The following EMCN variants were observed in gnomAD, a reference collection of about 807,000 sequenced individuals.
EMCN encodes the protein MUC-14.
Under a neutral mutation model 38.4 loss-of-function variants are expected in EMCN, and 37 were observed. The ratio of observed to expected loss-of-function variants is 0.96; its 90% CI spans 0.74 to 1.27. The LOEUF (loss-of-function observed/expected upper bound fraction) is 1.27. EMCN is among the 50% of genes most tolerant of loss of function. The pLI is 0.00. For synonymous variants in EMCN, 95 were observed against 100.8 expected (o/e 0.94, Z 0.35); for missense variants, 318 against 302.8 (o/e 1.05, Z -0.37).
rs374908165 is a variant in EMCN at position 100,415,463 on chromosome 4, G to A, written c.751+435C>T. 1.6e-4 allele frequency among the ~76,000 whole-genome samples: 24 copies of A among 152,054 alleles called. 2 individuals carry two copies. The highest frequency in any genetic ancestry group is 1.1e-3 in the Admixed American group (17 of 15,256). ...ATATTATATTTTACCTTTATGGAGA[G>A]GCTCAATTAAATGTATATAAATGAT... On this transcript the variant is annotated intron_variant, in intron 10 of 11. Transcript: ENST00000296420.
At chr4:100,454,002 A>G (rs1727926996) in intron 4 of EMCN, among the ~76,000 whole-genome samples, 1 of 134,260 alleles carries the variant, frequency 7.4e-6, no homozygotes, top group South Asian at 2.8e-4. Flanking sequence ...GAAGGGGAAC[A>G]TCACACACCA....
chr4:100,438,843 G>A (rs1170770484), intron 5 of EMCN, among the ~76,000 whole-genome samples: 1 of 151,784 alleles, frequency 6.6e-6, no homozygotes, highest in Non-Finnish European at 1.5e-5. Context: ...CAAGATCATT[G>A]TGTGGTTTTT....
intron 1 of EMCN, among the ~76,000 whole-genome samples, chr4:100,501,572 T>C (rs57258140): frequency 0.039 from 5,863 of 152,204 alleles, 290 homozygotes; most frequent in East Asian, 0.25. Flanking sequence ...TGCAGTTTTA[T>C]ACAAAATTAT....
intron 4 of EMCN, among the ~76,000 whole-genome samples, chr4:100,455,074 A>G (rs1173829053): frequency 1.3e-5 from 2 of 152,030 alleles, no homozygotes; most frequent in Non-Finnish European, 2.9e-5. Flanking sequence ...TTAAGTACAC[A>G]ATCTGATTGT....
intron 5 of EMCN, among the ~76,000 whole-genome samples, chr4:100,442,504 T>C (rs573413805): frequency 6.6e-6 from 1 of 152,306 alleles, no homozygotes; most frequent in East Asian, 1.9e-4. Context: ...TGTCTCTTTT[T>C]CTTTTGTAGA....
chr4:100,443,619 A>T (rs1057051568), intron 5 of EMCN, among the ~76,000 whole-genome samples: 3 of 152,222 alleles, frequency 2.0e-5, no homozygotes, highest in Non-Finnish European at 4.4e-5. Context: ...GCCAGGGCAT[A>T]GGTGATCAGA....
intron 3 of EMCN, among the ~76,000 whole-genome samples, chr4:100,470,274 A>C (rs1728438898): frequency 6.6e-6 from 1 of 152,010 alleles, no homozygotes; most frequent in Non-Finnish European, 1.5e-5. Flanking sequence ...GTAGCCAACA[A>C]TCATATAAAA....
At chr4:100,487,003 C>A in intron 1 of EMCN, 3 of 985,110 alleles carry the variant, frequency 3.0e-6, no homozygotes, top group Non-Finnish European at 3.6e-6. Flanking sequence ...TATATTATAG[C>A]CAGTTTGGTT....
intron 11 of EMCN, among the ~76,000 whole-genome samples, chr4:100,409,929 C>T (rs1726502804): frequency 1.3e-5 from 2 of 152,210 alleles, no homozygotes; most frequent in Non-Finnish European, 2.9e-5. Flanking sequence ...TTGGATTCTG[C>T]CAGTCTTTGT....
chr4:100,450,123 A>G (rs1318319541), intron 4 of EMCN, among the ~76,000 whole-genome samples: 2 of 151,940 alleles, frequency 1.3e-5, no homozygotes, highest in African/African-American at 4.8e-5. Flanking sequence ...TGTTTTTGGG[A>G]AAAGGCCAAG....
In EMCN at chr4:100,475,671, T is replaced by A. The variant is rs1310263127; in HGVS notation, c.188-562A>T. On this transcript the variant is annotated intron_variant, in intron 2 of 11. Coordinates refer to ENST00000296420, the MANE Select transcript of EMCN (RefSeq NM_016242.4). The stretch of plus-strand genomic sequence containing the variant: ...TCCAATTCTAGTCCTTTTTTTTTTT[T>A]TTTTTTTTTTTTTTTTTTTTTTTGG... 2.5e-5 allele frequency among the ~76,000 whole-genome samples: 3 copies of A among 117,650 alleles called. 1 individual carries two copies. The highest frequency in any genetic ancestry group is 6.8e-5 in the African/African-American group (2 of 29,264). The allele number at this position is 117,650 out of a possible 152,430, so 77.2% of individuals were successfully genotyped here. A position where few individuals can be genotyped will look rare whatever the true frequency, so the allele number is the denominator to read the frequency against.
chr4:100,443,986 C>T (rs1259507390), intron 5 of EMCN, among the ~76,000 whole-genome samples: 2 of 152,178 alleles, frequency 1.3e-5, no homozygotes, highest in African/African-American at 4.8e-5. Context: ...ACTCTGGACC[C>T]TGGGATGGTG....
At chr4:100,468,217 G>A (rs1728377186) in intron 3 of EMCN, among the ~76,000 whole-genome samples, 1 of 152,332 alleles carries the variant, frequency 6.6e-6, no homozygotes, top group South Asian at 2.1e-4. Context: ...TTGATTCCAA[G>A]CATGTCCTTA....
chr4:100,433,357 T>C (rs1224083120), intron 5 of EMCN, among the ~76,000 whole-genome samples: 2 of 152,176 alleles, frequency 1.3e-5, no homozygotes, highest in Non-Finnish European at 2.9e-5. Context: ...TATCCATTCA[T>C]CCATTAACAG....
chr4:100,411,883 C>T (rs17030080), intron 10 of EMCN, among the ~76,000 whole-genome samples: 5,390 of 151,936 alleles, frequency 0.035, 102 homozygotes, highest in Non-Finnish European at 0.042. Context: ...TGACGGGCTG[C>T]GGACAGAAGA....
At chr4:100,398,998 T>C (rs901453994) in intron 11 of EMCN, among the ~76,000 whole-genome samples, 2 of 152,184 alleles carry the variant, frequency 1.3e-5, no homozygotes, top group African/African-American at 4.8e-5. Flanking sequence ...GATCTGTTGC[T>C]TGGGGTGACA....
At chr4:100,485,251 A>G (rs750026762) in intron 1 of EMCN, among the ~76,000 whole-genome samples, 7 of 152,116 alleles carry the variant, frequency 4.6e-5, no homozygotes, top group Non-Finnish European at 1.0e-4. Flanking sequence ...GTCTTCATGC[A>G]TTGCTACCTT....
At chr4:100,491,536 G>A (rs936358643) in intron 1 of EMCN, among the ~76,000 whole-genome samples, 9 of 152,144 alleles carry the variant, frequency 5.9e-5, no homozygotes, top group African/African-American at 1.4e-4. Flanking sequence ...AACTTCAACC[G>A]TGCAATTCTA....
At chr4:100,455,832 C>CA (rs1259185461) in intron 4 of EMCN, among the ~76,000 whole-genome samples, 1 of 151,792 alleles carries the variant, frequency 6.6e-6, no homozygotes, top group Non-Finnish European at 1.5e-5. Context: ...TTTCACTCTG[C>CA]CACCCAGGCT....
Sources: allele counts gnomAD v4.1 joint callset (sites outside exome capture counted in the v4.1 genomes callset), GRCh38; gene constraint gnomAD v4.1.1; transcripts MANE v1.5; gene names NCBI Gene and HGNC (gene_info 2026-07-23, HGNC 2026-07-21).